Variants in SAP130 observed in about 807,000 individuals in gnomAD.
SAP130 encodes histone deacetylase complex subunit SAP130.
Under a neutral mutation model 103.2 loss-of-function variants are expected in SAP130, and 16 were observed. The ratio of observed to expected loss-of-function variants is 0.16; its 90% confidence interval spans 0.10 to 0.24. The LOEUF (loss-of-function observed/expected upper bound fraction) is 0.24, where lower values mean the gene tolerates loss of function less well. SAP130 is among the 10% of genes least tolerant of loss of function. SAP130 has a pLI of 1.00. For synonymous variants in SAP130, 477 were observed against 497.0 expected, an observed-to-expected ratio of 0.96 and a Z score of 0.53; for missense variants, 990 against 1,359.7, an observed-to-expected ratio of 0.73 and a Z score of 4.28.
At chr2:127,971,216 G>A (rs536268469) in intron 15 of SAP130, among the ~76,000 whole-genome samples, 3 of 151,706 alleles carry the variant, frequency 2.0e-5, no homozygotes, top group South Asian at 2.1e-4. Flanking sequence ...GCCTCCTAAG[G>A]TGCTAGAATT....
At chr2:127,969,440 T>C (rs1414961962) in intron 15 of SAP130, among the ~76,000 whole-genome samples, 2 of 152,206 alleles carry the variant, frequency 1.3e-5, no homozygotes, top group Non-Finnish European at 2.9e-5. Context: ...TCACTTTGTG[T>C]TTGGCCTGCC....
intron 13 of SAP130, among the ~76,000 whole-genome samples, chr2:127,988,148 C>T (rs1682530974): frequency 6.6e-6 from 1 of 152,182 alleles, no homozygotes; most frequent in African/African-American, 2.4e-5. Flanking sequence ...TCCAGCCAGG[C>T]ACAGTGGCTG....
chr2:128,004,298 G>A (rs1683802475), intron 7 of SAP130, among the ~76,000 whole-genome samples: 1 of 149,492 alleles, frequency 6.7e-6, no homozygotes, highest in Non-Finnish European at 1.5e-5. Context: ...CAGAAGAACT[G>A]CCAAAGGTAG....
chr2:127,999,983 G>C, intron 9 of SAP130, 73 bp downstream of exon 9: 2 of 1,508,680 alleles, frequency 1.3e-6, no homozygotes, highest in Non-Finnish European at 1.8e-6. Flanking sequence ...CTGAAGGTGA[G>C]AAATGAAAAA....
Position 128,000,710 on chromosome 2 carries a change from G to A in SAP130, c.870-256C>T, listed in dbSNP as rs78226788. Among the ~76,000 whole-genome samples the A allele has an allele frequency of 2.9e-3, 435 of 152,184 alleles. 8 individuals are homozygous for A. In the East Asian group the frequency reaches 0.041, roughly 14 times the overall value. ...CCTTGATGTAGTTAATCAACACTCC[G>A]TAACAAACTTGAGTTAATATCATTA... On this transcript the variant is annotated intron_variant, in intron 7 of 20. Transcript: ENST00000643581.
chr2:127,965,780 A>G (rs185370666), intron 15 of SAP130, among the ~76,000 whole-genome samples: 32 of 152,142 alleles, frequency 2.1e-4, no homozygotes, highest in Admixed American at 9.2e-4. Flanking sequence ...ACAGAGCGAG[A>G]CTGTCTCAAA....
intron 15 of SAP130, among the ~76,000 whole-genome samples, chr2:127,966,264 G>A (rs543977682): frequency 6.6e-6 from 1 of 151,412 alleles, no homozygotes; most frequent in East Asian, 2.0e-4. Flanking sequence ...ATTCTCACTT[G>A]AACCTGCGAG....
At chr2:127,971,296 T>C (rs1431592879) in intron 15 of SAP130, among the ~76,000 whole-genome samples, 1 of 150,344 alleles carries the variant, frequency 6.7e-6, no homozygotes, top group African/African-American at 2.4e-5. Flanking sequence ...CTTTTTTTTT[T>C]TTTTTTTGAG....
chr2:128,013,061 G>T lies in SAP130; in HGVS notation c.713C>A (p.Ala238Glu), dbSNP rs755860886. The stretch of plus-strand genomic sequence containing the variant: ...TGGTTGGTGAATGATGTGCTGTACT[G>T]CTGGCTGAGCAGTAGCAGCATTTGG... The part of the protein sequence containing the change: ...QLPNAATAQP[A>E]VQHIIHQPIQ... Residue 238 changes from alanine (A) to glutamate (E), a missense_variant, in exon 6 of 21, where the codon GCA becomes GAA. Physicochemically the swap from Ala to Glu is moderately radical, Grantham distance 107. Coordinates refer to ENST00000643581, the MANE Select transcript of SAP130 (RefSeq NM_001330301.2). 2.5e-6 allele frequency: 4 copies of T among 1,613,244 alleles called. No individual in the cohort carries two copies. Among genetic ancestry groups the T allele is most frequent in the South Asian group, 1.1e-5 (1 of 90,982 alleles).
At chr2:127,961,537 T>C (rs1386349996) in intron 15 of SAP130, among the ~76,000 whole-genome samples, 3 of 147,232 alleles carry the variant, frequency 2.0e-5, no homozygotes, top group Non-Finnish European at 4.5e-5. Context: ...TTTTTTTGAC[T>C]CAATTGGGTT....
Position 128,018,573 on chromosome 2 carries a change from C to G in SAP130, c.113-658G>C, listed in dbSNP as rs1684944682. Among the ~76,000 whole-genome samples the G allele has an allele frequency of 4.6e-5, 7 of 151,492 alleles. No individual in the cohort carries two copies. The South Asian group carries it at 1.5e-3, about 31-fold the overall frequency. On this transcript the variant is annotated intron_variant, in intron 2 of 20. Coordinates refer to ENST00000643581, the MANE Select transcript of SAP130 (RefSeq NM_001330301.2). Reference sequence around the variant, plus strand: ...TTGAGAGGCCAAGGCAAACAGATCCCTTGAACCCAGGAGTTCAAGACCAGC... The same window carrying G: ...TTGAGAGGCCAAGGCAAACAGATCCGTTGAACCCAGGAGTTCAAGACCAGC...
intron 7 of SAP130, among the ~76,000 whole-genome samples, chr2:128,009,219 T>C (rs1375692420): frequency 6.6e-6 from 1 of 152,120 alleles, no homozygotes; most frequent in Admixed American, 6.5e-5. Context: ...CTCATGCCTA[T>C]AATCCCAGCA....
chr2:127,966,206 G>A (rs1412942869), intron 15 of SAP130, among the ~76,000 whole-genome samples: 1 of 151,882 alleles, frequency 6.6e-6, no homozygotes, highest in East Asian at 1.9e-4. Context: ...AGCCAGGCAT[G>A]GTGGCGTGCG....
intron 13 of SAP130, among the ~76,000 whole-genome samples, chr2:127,987,968 A>G (rs1423991299): frequency 6.6e-6 from 1 of 152,200 alleles, no homozygotes; most frequent in Non-Finnish European, 1.5e-5. Flanking sequence ...ACTTAATATC[A>G]TGAGTTTTCT....
chr2:127,955,395 C>A lies in SAP130; in HGVS notation c.2064-51G>T. On this transcript the variant is annotated intron_variant, in intron 15 of 20. Coordinates refer to ENST00000643581, the MANE Select transcript of SAP130 (RefSeq NM_001330301.2). The surrounding 1 kb of genome is among the most constrained non-coding windows in gnomAD (Gnocchi z 4.9). The stretch of plus-strand genomic sequence containing the variant: ...TAGCAAATAAGAAAAAAACTGCCTT[C>A]ATCTACAACATCTCAGAGGATGAGT... 3 of 1,124,416 alleles carry A rather than the reference C, an allele frequency of 2.7e-6. No individual in the cohort carries two copies. Among genetic ancestry groups the A allele is most frequent in the Non-Finnish European group, 2.6e-6 (2 of 775,146 alleles). The allele number at this position is 1,124,416 out of a possible 1,614,324, so 69.7% of individuals were successfully genotyped here.
intron 7 of SAP130, among the ~76,000 whole-genome samples, chr2:128,003,473 A>G (rs1559087957): frequency 6.8e-6 from 1 of 146,870 alleles, no homozygotes; most frequent in Non-Finnish European, 1.5e-5. Flanking sequence ...CGCCACTGCA[A>G]CCTTGACTTC....
intron 13 of SAP130, 95 bp from the exon 14 acceptor site, chr2:127,987,057 G>T: frequency 9.0e-7 from 1 of 1,108,398 alleles, no homozygotes; most frequent in Non-Finnish European, 1.3e-6. Context: ...CTAGAATTAG[G>T]TATCCATGTT....
At chr2:127,992,349 T>A (rs976744221) in intron 12 of SAP130, among the ~76,000 whole-genome samples, 2 of 151,358 alleles carry the variant, frequency 1.3e-5, no homozygotes, top group African/African-American at 4.9e-5. Flanking sequence ...GGCACAATAG[T>A]GGCTCACTGC....
At chr2:127,950,924 C>G (rs905315520) in intron 16 of SAP130, among the ~76,000 whole-genome samples, 1 of 152,208 alleles carries the variant, frequency 6.6e-6, no homozygotes, top group African/African-American at 2.4e-5. Context: ...AGTCCACACA[C>G]CATCCCTGAA....
Sources: allele counts gnomAD v4.1 joint callset (sites outside exome capture counted in the v4.1 genomes callset), GRCh38; gene constraint gnomAD v4.1.1; non-coding constraint Gnocchi (gnomAD v3.1); transcripts MANE v1.5; gene names NCBI Gene and HGNC (gene_info 2026-07-23, HGNC 2026-07-21).